The following CGNL1 variants were observed in gnomAD, a reference collection of about 807,000 sequenced individuals.
The protein encoded by CGNL1 is cingulin like 1.
Under a neutral mutation model 141.2 loss-of-function variants are expected in CGNL1, and 132 were observed. The ratio of observed to expected loss-of-function variants is 0.93; its 90% confidence interval spans 0.81 to 1.08. The LOEUF (loss-of-function observed/expected upper bound fraction) is 1.08, where lower values mean the gene tolerates loss of function less well. Ranked by LOEUF, CGNL1 falls within the 50% of genes least tolerant of loss-of-function variation. CGNL1 has a pLI of 0.00. For synonymous variants in CGNL1, 690 were observed against 622.1 expected (o/e 1.11, Z -1.63); for missense variants, 1,870 against 1,588.6 (o/e 1.18, Z -3.01).
At chr15:57,399,547 T>TG (rs1368590999) in intron 1 of CGNL1, among the ~76,000 whole-genome samples, 1 of 150,510 alleles carries the variant, frequency 6.6e-6, no homozygotes, top group Non-Finnish European at 1.5e-5. Flanking sequence ...CTATAGTTGT[T>TG]TTTTTTTTTT....
intron 8 of CGNL1, among the ~76,000 whole-genome samples, chr15:57,494,497 A>G (rs764151826): frequency 2.0e-5 from 3 of 152,318 alleles, no homozygotes; most frequent in South Asian, 4.1e-4. Context: ...TTTATGAGCA[A>G]CTTATAATAA....
Position 57,546,069 on chromosome 15 carries a change from G to A in CGNL1, c.3610-7G>A, listed in dbSNP as rs768686251. On this transcript the variant is annotated splice_polypyrimidine_tract_variant and splice_region_variant and intron_variant, in intron 17 of 18. Transcript: ENST00000281282. ...CGGCACTCAGCCCACATTCTCTCCCGGTGCAGCTGAGCTTGCGTTTGAAAG... is the reference window on the plus strand; with the variant it reads ...CGGCACTCAGCCCACATTCTCTCCCAGTGCAGCTGAGCTTGCGTTTGAAAG... 1.4e-5 allele frequency: 22 copies of A among 1,610,812 alleles called. No homozygotes were observed. The highest frequency in any genetic ancestry group is 1.1e-4 in the East Asian group (5 of 44,870).
intron 14 of CGNL1, among the ~76,000 whole-genome samples, chr15:57,533,066 C>A (rs1295476196): frequency 2.0e-5 from 3 of 152,194 alleles, no homozygotes; most frequent in Non-Finnish European, 2.9e-5. Flanking sequence ...GAACGTGAAT[C>A]CCTGGCTGCT....
intron 8 of CGNL1, among the ~76,000 whole-genome samples, chr15:57,515,464 T>TA (rs1200304164): frequency 6.6e-6 from 1 of 152,232 alleles, no homozygotes; most frequent in African/African-American, 2.4e-5. Flanking sequence ...TGGTCGGTGA[T>TA]ACAGCCTTTA....
At chr15:57,466,622 C>T (rs2063514555) in intron 8 of CGNL1, among the ~76,000 whole-genome samples, 1 of 152,208 alleles carries the variant, frequency 6.6e-6, no homozygotes, top group East Asian at 1.9e-4. Flanking sequence ...CTTGGTAACA[C>T]CATTGTGCTT....
At position 57,531,754 on chromosome 15, in the gene CGNL1, A is replaced by T. The variant is rs2031964363; in HGVS notation, c.3266A>T (p.Glu1089Val). Residue 1089 changes from glutamate to valine, a missense_variant, in exon 14 of 19, where the codon GAG becomes GTG. By Grantham distance (121) the Glu-to-Val change is moderately radical. Coordinates refer to ENST00000281282, the MANE Select transcript of CGNL1 (RefSeq NM_032866.5). ...EERNNSDLLSERISRSREQME... is the reference protein window; with the variant it reads ...EERNNSDLLSVRISRSREQME... Reference sequence around the variant, plus strand: ...AGAAACAACTCAGATTTGCTGTCTGAGAGGATCAGTAGGAGCAGGGAACAG... The same window carrying T: ...AGAAACAACTCAGATTTGCTGTCTGTGAGGATCAGTAGGAGCAGGGAACAG... The T allele has an allele frequency of 1.2e-6, 2 of 1,611,256 alleles. No individual in the cohort carries two copies. The highest frequency in any genetic ancestry group is 1.7e-6 in the Non-Finnish European group (2 of 1,177,484).
chr15:57,520,214 G>T (rs1428886878), intron 10 of CGNL1, among the ~76,000 whole-genome samples: 2 of 152,270 alleles, frequency 1.3e-5, no homozygotes, highest in East Asian at 3.9e-4. Context: ...TAAAAATAAT[G>T]CCATGAAAAA....
intron 8 of CGNL1, among the ~76,000 whole-genome samples, chr15:57,499,256 T>A: frequency 7.2e-6 from 1 of 139,266 alleles, no homozygotes; most frequent in South Asian, 2.8e-4. Context: ...TTTTTTTTTT[T>A]TTTTTTGGAG....
In CGNL1 at chr15:57,486,175, A is replaced by C. The variant is rs1000236254; in HGVS notation, c.2403+24283A>C. 2.0e-5 allele frequency among the ~76,000 whole-genome samples: 3 copies of C among 152,162 alleles called. No homozygotes were observed. The East Asian group carries it at 5.8e-4, about 29-fold the overall frequency. On this transcript the variant is annotated intron_variant, in intron 8 of 18. Transcript: ENST00000281282. Reference sequence around the variant, plus strand: ...GCAGGCTCACCATGCTGAGGCCTGAAACTTCACTTCTTTCAGGGATCAGCT... The same window carrying C: ...GCAGGCTCACCATGCTGAGGCCTGACACTTCACTTCTTTCAGGGATCAGCT...
At chr15:57,465,615 C>A (rs1243170382) in intron 8 of CGNL1, among the ~76,000 whole-genome samples, 1 of 151,630 alleles carries the variant, frequency 6.6e-6, no homozygotes, top group East Asian at 1.9e-4. Flanking sequence ...GGTCTCAAAC[C>A]CCTGACCTCA....
At chr15:57,507,070 C>T (rs1216215114) in intron 8 of CGNL1, among the ~76,000 whole-genome samples, 1 of 152,220 alleles carries the variant, frequency 6.6e-6, no homozygotes, top group Non-Finnish European at 1.5e-5. Flanking sequence ...AAGCCCCTTT[C>T]ATCTGAATTC....
At chr15:57,407,829 A>G (rs1450074285) in intron 1 of CGNL1, among the ~76,000 whole-genome samples, 7 of 150,754 alleles carry the variant, frequency 4.6e-5, no homozygotes, top group African/African-American at 1.5e-4. Flanking sequence ...GCTCACTGCA[A>G]CCTCCGTCTC....
intron 1 of CGNL1, among the ~76,000 whole-genome samples, chr15:57,406,536 T>C (rs1012702211): frequency 6.6e-6 from 1 of 152,168 alleles, no homozygotes; most frequent in Non-Finnish European, 1.5e-5. Flanking sequence ...TAGAACTTTC[T>C]GTGGAATTTG....
intron 4 of CGNL1, among the ~76,000 whole-genome samples, chr15:57,450,892 T>C (rs1370874057): frequency 6.6e-6 from 1 of 152,206 alleles, no homozygotes; most frequent in Non-Finnish European, 1.5e-5. Context: ...ATACATTGGG[T>C]TCTGTAGATA....
chr15:57,541,663 C>G (rs2032571465), intron 14 of CGNL1, among the ~76,000 whole-genome samples: 1 of 152,206 alleles, frequency 6.6e-6, no homozygotes, highest in Non-Finnish European at 1.5e-5. Context: ...TATGCTACAG[C>G]TGCATTTGAA....
intron 8 of CGNL1, among the ~76,000 whole-genome samples, chr15:57,475,596 G>T (rs1222076534): frequency 6.6e-6 from 1 of 151,858 alleles, no homozygotes; most frequent in African/African-American, 2.4e-5. Context: ...TAGTTAATGA[G>T]CAATAGATGG....
intron 8 of CGNL1, among the ~76,000 whole-genome samples, chr15:57,493,122 G>A (rs2063889481): frequency 6.7e-6 from 1 of 150,046 alleles, no homozygotes; most frequent in South Asian, 2.1e-4. Context: ...ACCAATATTA[G>A]TACTTTAGAT....
intron 7 of CGNL1, among the ~76,000 whole-genome samples, chr15:57,461,267 C>G (rs2063442182): frequency 6.6e-6 from 1 of 152,166 alleles, no homozygotes; most frequent in South Asian, 2.1e-4. Context: ...TGACCACACT[C>G]AGGGTCCCAG....
intron 1 of CGNL1, among the ~76,000 whole-genome samples, chr15:57,384,081 TG>T (rs1555428962): frequency 2.8e-5 from 1 of 36,326 alleles, no homozygotes; most frequent in African/African-American, 1.1e-4. Flanking sequence ...GTGGGTGGGT[TG>T]GGAGGAGAAG....
Sources: gnomAD v4.1 joint callset for allele counts (sites outside exome capture counted in the v4.1 genomes callset) on GRCh38, gnomAD v4.1.1 for gene constraint, MANE v1.5 for transcripts, NCBI Gene and HGNC (gene_info 2026-07-23, HGNC 2026-07-21) for gene names.